The following SLC5A8 variants were observed in gnomAD, a reference collection of about 807,000 sequenced individuals.
SLC5A8 encodes sodium-coupled monocarboxylate transporter 1.
SLC5A8 carries 55 observed loss-of-function variants against 71.9 expected under a neutral mutation model. The ratio of observed to expected loss-of-function variants is 0.77; its 90% CI spans 0.62 to 0.96. The LOEUF is 0.96. Ranked by LOEUF, SLC5A8 falls within the 40% of genes least tolerant of loss-of-function variation. The pLI is 0.00. For synonymous variants in SLC5A8, 307 were observed against 276.1 expected (o/e 1.11, Z -1.11); for missense variants, 701 against 745.3 (o/e 0.94, Z 0.69).
At position 101,184,218 on chromosome 12, in the gene SLC5A8, A is replaced by G. The variant is rs1246380876; in HGVS notation, c.968T>C (p.Met323Thr). The G allele has an allele frequency of 6.2e-7, 1 of 1,613,286 alleles. No homozygotes were observed. Among genetic ancestry groups the G allele is most frequent in the Non-Finnish European group, 8.5e-7 (1 of 1,179,794 alleles). The change falls in exon 8 of 15, where the codon ATG (methionine) becomes ACG (threonine). Residue 323 changes from methionine to threonine, a missense_variant. Physicochemically the swap from Met to Thr is moderately conservative, Grantham distance 81. Transcript: ENST00000536262. ...CAGAATGTCCAGTACCAAATAAGGC[A>G]TGAGCTGAAAAATTCCAAAATTTAT... ...AKKVSAPDQL[M>T]PYLVLDILQD...
rs543624866 is a variant in SLC5A8, at chr12:101,204,717, A to C, written c.352-152T>G. ...TTTAGTGTTATTTTTATTTATACAC[A>C]GCAAAATTGACTCTTTTGTTTTAGA... is the stretch of plus-strand genomic sequence containing the variant. On this transcript the variant is annotated intron_variant, in intron 1 of 14. Transcript: ENST00000536262. 3.3e-4 allele frequency: 201 copies of C among 611,338 alleles called. No individual in the cohort carries two copies. The African/African-American group carries it at 3.5e-3, about 11-fold the overall frequency. 37.9% of individuals were successfully genotyped at this position (611,338 alleles called of 1,614,324 possible).
intron 12 of SLC5A8, among the ~76,000 whole-genome samples, chr12:101,163,973 T>C (rs1387618841): frequency 6.6e-6 from 1 of 152,142 alleles, no homozygotes; most frequent in Non-Finnish European, 1.5e-5. Context: ...CCAAAGTGGA[T>C]TACACTTCCT....
chr12:101,200,865 G>C (rs1334304683), intron 3 of SLC5A8, among the ~76,000 whole-genome samples: 2 of 152,208 alleles, frequency 1.3e-5, no homozygotes, highest in East Asian at 3.9e-4. Context: ...GAAAAAAAGA[G>C]GTTAGACCTA....
chr12:101,162,087 C>T lies in SLC5A8; in HGVS notation c.1527-10G>A, dbSNP rs1566305158. ...ATCCATCAGTGGAGTCCTAAGAGAG[C>T]AAAAACACAACGGTAAGATTTCATG... is the stretch of plus-strand genomic sequence containing the variant. On this transcript the variant is annotated splice_polypyrimidine_tract_variant and intron_variant, in intron 12 of 14. Transcript: ENST00000536262. The T allele has an allele frequency of 6.3e-7, 1 of 1,580,022 alleles. No homozygotes were observed. Among genetic ancestry groups the T allele is most frequent in the Non-Finnish European group, 8.7e-7 (1 of 1,150,078 alleles).
At chr12:101,158,598 CTATATATA>C (rs139268658) in intron 13 of SLC5A8, among the ~76,000 whole-genome samples, 228 of 21,182 alleles carry the variant, frequency 0.011, 4 homozygotes, top group East Asian at 0.017. Flanking sequence ...CTCTCTCTCT[CTATATATA>C]TATATATATA....
chr12:101,203,940 T>C (rs1271544273), intron 2 of SLC5A8, among the ~76,000 whole-genome samples: 1 of 105,404 alleles, frequency 9.5e-6, no homozygotes, highest in African/African-American at 5.2e-5. Flanking sequence ...CTTTAAAGAG[T>C]CCTCCAGAGT....
intron 4 of SLC5A8, 102 bp from the exon 5 acceptor site, chr12:101,193,881 G>A: frequency 1.6e-6 from 2 of 1,239,178 alleles, no homozygotes; most frequent in Non-Finnish European, 1.1e-6. Flanking sequence ...AAACATGAAT[G>A]TTGGCTAAGA....
intron 12 of SLC5A8, among the ~76,000 whole-genome samples, chr12:101,165,721 G>C (rs1164808985): frequency 6.6e-6 from 1 of 152,066 alleles, no homozygotes. Flanking sequence ...TTTTAAGAGG[G>C]GTATGCCGTG....
chr12:101,187,760 G>C (rs538665997), intron 6 of SLC5A8, among the ~76,000 whole-genome samples: 1 of 151,974 alleles, frequency 6.6e-6, no homozygotes, highest in Non-Finnish European at 1.5e-5. Flanking sequence ...GTGTATGCTC[G>C]TGGTCGGAGC....
intron 6 of SLC5A8, among the ~76,000 whole-genome samples, chr12:101,188,242 T>C (rs1868744573): frequency 1.3e-5 from 2 of 152,226 alleles, no homozygotes; most frequent in African/African-American, 4.8e-5. Context: ...TATATTATCA[T>C]ATAGCATGGT....
intron 3 of SLC5A8, among the ~76,000 whole-genome samples, chr12:101,200,222 C>T (rs752782887): frequency 4.0e-5 from 6 of 151,574 alleles, no homozygotes; most frequent in Non-Finnish European, 7.4e-5. Context: ...ATTTCTTGGG[C>T]CCATAGGAGA....
chr12:101,185,800 A>G (rs1363110456), intron 7 of SLC5A8, among the ~76,000 whole-genome samples: 1 of 151,938 alleles, frequency 6.6e-6, no homozygotes. Flanking sequence ...CTGGTCTCGA[A>G]CTCCTGACCT....
intron 11 of SLC5A8, among the ~76,000 whole-genome samples, chr12:101,166,963 GC>G (rs1393338741): frequency 6.6e-6 from 1 of 151,790 alleles, no homozygotes; most frequent in Non-Finnish European, 1.5e-5. Flanking sequence ...CAGATAATCT[GC>G]TGGTGAAAAA....
intron 10 of SLC5A8, among the ~76,000 whole-genome samples, chr12:101,178,101 T>C (rs76602871): frequency 0.18 from 28,040 of 152,168 alleles, 3,122 homozygotes; most frequent in South Asian, 0.32. Flanking sequence ...ATTTTATTTC[T>C]ACATTTTAGC....
In SLC5A8 at chr12:101,166,551, A is replaced by G; in HGVS notation, c.1469T>C (p.Met490Thr). 6.2e-7 allele frequency: 1 copy of G among 1,613,978 alleles called. No individual in the cohort carries two copies. Among genetic ancestry groups the G allele is most frequent in the Non-Finnish European group, 8.5e-7 (1 of 1,179,920 alleles). ...AGTAAATGGCATTTCTGTGGTTGTC[A>G]TCAAATTTGTCTCATTGTAGGTGCT... ...CNSTYNETNLMTTTEMPFTTS... is the reference protein window; with the variant it reads ...CNSTYNETNLTTTTEMPFTTS... Residue 490 changes from methionine (M) to threonine (T), a missense_variant, in exon 12 of 15, where the codon ATG becomes ACG. By Grantham distance (81) the Met-to-Thr change is moderately conservative (BLOSUM62 -1). Coordinates refer to ENST00000536262, the MANE Select transcript of SLC5A8 (RefSeq NM_145913.5).
In SLC5A8 at chr12:101,209,989, G is replaced by T. The variant is rs1180840044; in HGVS notation, c.-141C>A. The T allele has an allele frequency of 4.1e-6, 3 of 723,776 alleles. No homozygotes were observed. The highest frequency in any genetic ancestry group is 6.3e-6 in the Non-Finnish European group (3 of 479,404). The allele number at this position is 723,776 out of a possible 1,614,324, so 44.8% of individuals were successfully genotyped here. A position where few individuals can be genotyped will look rare whatever the true frequency, so the allele number is the denominator to read the frequency against. On this transcript the variant is annotated 5_prime_UTR_variant, in exon 1 of 15. Coordinates refer to ENST00000536262, the MANE Select transcript of SLC5A8 (RefSeq NM_145913.5). Reference sequence around the variant, plus strand: ...GGACTGGAGGCGTCCTCCAGGTGTCGGCCTCCGAACGCACCCCGAGGCGGG... The same window carrying T: ...GGACTGGAGGCGTCCTCCAGGTGTCTGCCTCCGAACGCACCCCGAGGCGGG...
intron 10 of SLC5A8, among the ~76,000 whole-genome samples, chr12:101,170,929 C>T (rs905422238): frequency 6.6e-6 from 1 of 152,150 alleles, no homozygotes; most frequent in African/African-American, 2.4e-5. Context: ...AAGCCTCTTC[C>T]CTTGAGTTCG....
intron 12 of SLC5A8, among the ~76,000 whole-genome samples, chr12:101,165,863 C>T (rs2051765255): frequency 6.6e-6 from 1 of 152,158 alleles, no homozygotes; most frequent in Non-Finnish European, 1.5e-5. Context: ...TAAAGCTGGA[C>T]ACTTATATAT....
At chr12:101,193,236 G>C (rs931876086) in intron 5 of SLC5A8, among the ~76,000 whole-genome samples, 1 of 152,166 alleles carries the variant, frequency 6.6e-6, no homozygotes, top group Non-Finnish European at 1.5e-5. Flanking sequence ...GCCTCCCAAA[G>C]TGCTGGGATT....
Sources: allele counts gnomAD v4.1 joint callset (sites outside exome capture counted in the v4.1 genomes callset), GRCh38; gene constraint gnomAD v4.1.1; transcripts MANE v1.5; gene names NCBI Gene and HGNC (gene_info 2026-07-23, HGNC 2026-07-21).